WDR7: variants seen among roughly 807,000 people sequenced by gnomAD.
WDR7 encodes WD repeat domain 7.
A neutral mutation model predicts 169.4 loss-of-function variants in WDR7; 46 were observed. That is an observed-to-expected ratio of 0.27 (90% CI 0.21 to 0.35). WDR7 has a LOEUF of 0.35. Among genes scored for constraint, WDR7 ranks in the 10% least tolerant of loss-of-function variants. The pLI, the probability that WDR7 is intolerant of heterozygous loss-of-function variation, is 1.00. For missense variants in WDR7, 1,534 were observed against 1,859.3 expected (o/e 0.83, Z 3.22); for synonymous variants, 612 against 666.8 (o/e 0.92, Z 1.27).
intron 14 of WDR7, among the ~76,000 whole-genome samples, chr18:56,745,392 A>G (rs1050608822): frequency 2.0e-5 from 3 of 152,200 alleles, no homozygotes; most frequent in Admixed American, 1.3e-4. Context: ...CCAGAACAGC[A>G]CGCCCCAACC....
intron 20 of WDR7, among the ~76,000 whole-genome samples, chr18:56,846,714 T>A (rs1170234456): frequency 1.3e-5 from 2 of 152,180 alleles, no homozygotes; most frequent in African/African-American, 4.8e-5. Flanking sequence ...GACCTTTTTC[T>A]TCTCTCTCTT....
At chr18:56,896,258 TA>T (rs1369617963) in intron 21 of WDR7, among the ~76,000 whole-genome samples, 1 of 151,844 alleles carries the variant, frequency 6.6e-6, no homozygotes, top group East Asian at 1.9e-4. Flanking sequence ...TTCATAAACT[TA>T]TTGATAGATT....
chr18:56,669,288 C>A (rs185076509), intron 1 of WDR7, among the ~76,000 whole-genome samples: 5 of 152,068 alleles, frequency 3.3e-5, no homozygotes, highest in Non-Finnish European at 2.9e-5. Context: ...ATGCCTGTTT[C>A]CTTATGATTT....
rs1010588802 is a variant in WDR7 at position 56,670,496 on chromosome 18, G to T, written c.-19-2001G>T. On this transcript the variant is annotated intron_variant, in intron 1 of 27. Coordinates refer to ENST00000254442, the MANE Select transcript of WDR7 (RefSeq NM_015285.3). ...TATTTACTTGAGAGAAATCTTTGGT[G>T]ATATAAATTATTATTTTATTTTATT... 6.6e-4 allele frequency among the ~76,000 whole-genome samples: 100 copies of T among 151,964 alleles called. 1 individual carries two copies. Among genetic ancestry groups the T allele is most frequent in the Admixed American group, 6.5e-3 (99 of 15,236 alleles).
At chr18:56,787,222 A>G (rs1343173456) in intron 19 of WDR7, among the ~76,000 whole-genome samples, 2 of 152,034 alleles carry the variant, frequency 1.3e-5, no homozygotes, top group East Asian at 1.9e-4. Flanking sequence ...GCAAATGCTG[A>G]TGGTTCCTGA....
At chr18:56,812,891 C>T (rs1447685295) in intron 19 of WDR7, among the ~76,000 whole-genome samples, 4 of 152,052 alleles carry the variant, frequency 2.6e-5, no homozygotes, top group Non-Finnish European at 5.9e-5. Context: ...CACCGTCACA[C>T]ACATAACCAG....
intron 14 of WDR7, among the ~76,000 whole-genome samples, chr18:56,750,446 G>A (rs1396322756): frequency 6.6e-6 from 1 of 152,052 alleles, no homozygotes; most frequent in Non-Finnish European, 1.5e-5. Flanking sequence ...TTTCCTAGTT[G>A]GCTTTCTTCA....
intron 19 of WDR7, among the ~76,000 whole-genome samples, chr18:56,793,119 G>A (rs781369749): frequency 8.5e-5 from 13 of 152,100 alleles, no homozygotes; most frequent in Non-Finnish European, 1.6e-4. Context: ...CATTTTGAAT[G>A]TGCTACATTA....
chr18:56,694,942 C>G lies in WDR7; in HGVS notation c.1109-8C>G. On this transcript the variant is annotated splice_region_variant and splice_polypyrimidine_tract_variant and intron_variant, in intron 10 of 27. Coordinates refer to ENST00000254442, the MANE Select transcript of WDR7 (RefSeq NM_015285.3). ...GTTTTTCTTTTATACAAAACCAAAC[C>G]TCTACAGGGCTGGCAATGACAACTT... 6.2e-7 allele frequency: 1 copy of G among 1,607,746 alleles called. No homozygotes were observed. The highest frequency in any genetic ancestry group is 1.1e-5 in the South Asian group (1 of 90,652).
intron 2 of WDR7, among the ~76,000 whole-genome samples, 158 bp downstream of exon 2, chr18:56,672,832 T>G (rs899011471): frequency 6.6e-6 from 1 of 152,212 alleles, no homozygotes; most frequent in African/African-American, 2.4e-5. Flanking sequence ...ATTTACACTA[T>G]TCATCAGAGT....
At chr18:56,960,749 C>T (rs1465431056) in intron 25 of WDR7, among the ~76,000 whole-genome samples, 2 of 152,056 alleles carry the variant, frequency 1.3e-5, no homozygotes, top group Non-Finnish European at 2.9e-5. Context: ...GTTTTGAATG[C>T]TGATTCCCAC....
chr18:56,955,502 G>A (rs2047238648), intron 25 of WDR7, among the ~76,000 whole-genome samples: 1 of 152,088 alleles, frequency 6.6e-6, no homozygotes, highest in Admixed American at 6.6e-5. Context: ...TAAATTGTAA[G>A]TATTTGAAAA....
At chr18:56,960,381 G>A (rs552755403) in intron 25 of WDR7, among the ~76,000 whole-genome samples, 4 of 152,052 alleles carry the variant, frequency 2.6e-5, no homozygotes, top group Non-Finnish European at 5.9e-5. Flanking sequence ...TTTTGAAGAG[G>A]GTTATTTTGG....
At chr18:56,993,021 A>T (rs559319857) in intron 26 of WDR7, among the ~76,000 whole-genome samples, 16 of 152,188 alleles carry the variant, frequency 1.1e-4, no homozygotes, top group Non-Finnish European at 1.6e-4. Context: ...GAAATTCTAC[A>T]CCTCCCAAAC....
Position 56,731,503 on chromosome 18 carries a change from T to G in WDR7, c.1895T>G (p.Met632Arg). Residue 632 changes from methionine to arginine, a missense_variant, in exon 14 of 28, where the codon ATG (methionine) becomes AGG (arginine). Physicochemically the swap from Met to Arg is moderately conservative, Grantham distance 91. Transcript: ENST00000254442. ...SHPAVNLKQAMTRRSLAALKN... is the reference protein window; with the variant it reads ...SHPAVNLKQARTRRSLAALKN... ...CCAGCAGTCAACCTAAAACAAGCTA[T>G]GACGAGACGTAGTCTTGCTGCTCTT... The G allele has an allele frequency of 6.2e-7, 1 of 1,614,166 alleles. No individual in the cohort carries two copies. The highest frequency in any genetic ancestry group is 8.5e-7 in the Non-Finnish European group (1 of 1,180,028).
At chr18:57,015,036 A>G (rs2048188017) in intron 26 of WDR7, among the ~76,000 whole-genome samples, 2 of 152,194 alleles carry the variant, frequency 1.3e-5, no homozygotes, top group African/African-American at 2.4e-5. Context: ...TATAAGGAAA[A>G]ATTCCCTGAC....
intron 20 of WDR7, among the ~76,000 whole-genome samples, chr18:56,842,902 G>A (rs1024273307): frequency 3.3e-5 from 5 of 152,180 alleles, no homozygotes; most frequent in African/African-American, 7.2e-5. Context: ...ACATTTATGT[G>A]CTACTAGAAA....
chr18:56,921,212 G>A (rs1334756881), intron 21 of WDR7, among the ~76,000 whole-genome samples: 2 of 152,138 alleles, frequency 1.3e-5, no homozygotes, highest in African/African-American at 4.8e-5. Flanking sequence ...TGTTTTATTT[G>A]GGAAAAGTTG....
chr18:56,946,988 T>C (rs1178267377), intron 25 of WDR7, among the ~76,000 whole-genome samples: 3 of 152,224 alleles, frequency 2.0e-5, no homozygotes, highest in Non-Finnish European at 4.4e-5. Flanking sequence ...ATAATTCACA[T>C]TTCACTTTCT....
Sources: gnomAD v4.1 joint callset for allele counts (sites outside exome capture counted in the v4.1 genomes callset) on GRCh38, gnomAD v4.1.1 for gene constraint, MANE v1.5 for transcripts, NCBI Gene and HGNC (gene_info 2026-07-23, HGNC 2026-07-21) for gene names.